FSTL5: variants seen among roughly 807,000 people sequenced by gnomAD.
FSTL5 encodes follistatin-related protein 5.
FSTL5 carries 62 observed loss-of-function variants against 89.1 expected under a neutral mutation model. The observed-to-expected ratio is 0.70, with a 90% CI of 0.57 to 0.86. FSTL5 has a LOEUF of 0.86. FSTL5 is among the 40% of genes least tolerant of loss of function. FSTL5 has a pLI of 0.00. For synonymous variants in FSTL5, 383 were observed against 346.2 expected (o/e 1.11, Z -1.18); for missense variants, 1,057 against 1,001.6 (o/e 1.06, Z -0.75).
intron 2 of FSTL5, among the ~76,000 whole-genome samples, chr4:162,091,469 G>T (rs1371092547): frequency 6.6e-6 from 1 of 151,978 alleles, no homozygotes; most frequent in African/African-American, 2.4e-5. Context: ...CAAGTGTCTG[G>T]GGTTTTGGGG....
intron 3 of FSTL5, among the ~76,000 whole-genome samples, chr4:161,925,719 C>T (rs185043190): frequency 6.6e-6 from 1 of 151,786 alleles, no homozygotes; most frequent in African/African-American, 2.4e-5. Context: ...TCATTTATTA[C>T]AGATTTGGTA....
intron 3 of FSTL5, among the ~76,000 whole-genome samples, chr4:161,976,745 T>G (rs1335502683): frequency 6.6e-6 from 1 of 152,084 alleles, no homozygotes; most frequent in Non-Finnish European, 1.5e-5. Flanking sequence ...CCTCCCAAAG[T>G]GCTGGGATTA....
intron 10 of FSTL5, among the ~76,000 whole-genome samples, chr4:161,518,468 G>A (rs1730915808): frequency 6.6e-6 from 1 of 152,120 alleles, no homozygotes; most frequent in Non-Finnish European, 1.5e-5. Context: ...CAGGAGAGAG[G>A]CAAGAAAAGT....
intron 6 of FSTL5, among the ~76,000 whole-genome samples, chr4:161,692,085 C>A (rs1367422834): frequency 6.6e-6 from 1 of 151,408 alleles, no homozygotes; most frequent in Non-Finnish European, 1.5e-5. Flanking sequence ...TCTTGACTAA[C>A]TGTTTTCATG....
At chr4:161,886,564 C>A (rs551761629) in intron 4 of FSTL5, among the ~76,000 whole-genome samples, 11 of 152,142 alleles carry the variant, frequency 7.2e-5, no homozygotes, top group South Asian at 2.1e-4. Context: ...TGCCATATTT[C>A]TTCAATCATA....
At chr4:162,146,117 G>C (rs546476760) in intron 1 of FSTL5, among the ~76,000 whole-genome samples, 1 of 152,204 alleles carries the variant, frequency 6.6e-6, no homozygotes, top group South Asian at 2.1e-4. Flanking sequence ...GGAAATAATA[G>C]TGATTTTTGT....
intron 2 of FSTL5, among the ~76,000 whole-genome samples, chr4:162,095,008 T>A (rs1341408092): frequency 6.6e-6 from 1 of 152,126 alleles, no homozygotes; most frequent in Non-Finnish European, 1.5e-5. Flanking sequence ...CAAAAATGGC[T>A]TTTCATATAC....
intron 6 of FSTL5, among the ~76,000 whole-genome samples, chr4:161,659,630 T>C (rs1194594796): frequency 6.6e-6 from 1 of 152,316 alleles, no homozygotes; most frequent in East Asian, 1.9e-4. Flanking sequence ...TGCATTACTA[T>C]GTAAAACAAC....
At chr4:161,482,186 GGCAC>G (rs1360705626) in intron 12 of FSTL5, among the ~76,000 whole-genome samples, 1 of 152,016 alleles carries the variant, frequency 6.6e-6, no homozygotes, top group Non-Finnish European at 1.5e-5. Flanking sequence ...CGTGGTGGTG[GGCAC>G]CTGTAGTCCC....
intron 1 of FSTL5, among the ~76,000 whole-genome samples, chr4:162,112,041 T>G (rs554419716): frequency 1.3e-5 from 2 of 152,320 alleles, no homozygotes; most frequent in East Asian, 3.9e-4. Context: ...CCTTTCTATG[T>G]TTTTGGATAT....
rs75152653 is a variant in FSTL5 at position 162,007,347 on chromosome 4, T to C, written c.160+26278A>G. ...GTTGTAATTAACATTCTATGTTGAG[T>C]TACTAACATAAAGGAGCTATAAGTA... is the stretch of plus-strand genomic sequence containing the variant. On this transcript the variant is annotated intron_variant, in intron 3 of 15. Coordinates refer to ENST00000306100, the MANE Select transcript of FSTL5 (RefSeq NM_020116.5). Among the ~76,000 whole-genome samples the C allele has an allele frequency of 7.0e-3, 1,058 of 151,834 alleles. 10 individuals carry two copies. Among genetic ancestry groups the C allele is most frequent in the African/African-American group, 0.024 (1,011 of 41,522 alleles).
At chr4:161,748,383 A>T (rs994539720) in intron 6 of FSTL5, among the ~76,000 whole-genome samples, 2 of 152,134 alleles carry the variant, frequency 1.3e-5, no homozygotes, top group Admixed American at 6.5e-5. Flanking sequence ...TGATCCTGAA[A>T]AAGTTTTTTT....
At chr4:161,838,319 C>T (rs1731107300) in intron 4 of FSTL5, among the ~76,000 whole-genome samples, 1 of 152,116 alleles carries the variant, frequency 6.6e-6, no homozygotes, top group Non-Finnish European at 1.5e-5. Context: ...TTTTCTGCTG[C>T]CCAGACTGGA....
chr4:161,644,070 TAAC>T (rs1736055676), intron 7 of FSTL5, among the ~76,000 whole-genome samples: 1 of 151,872 alleles, frequency 6.6e-6, no homozygotes, highest in Admixed American at 6.6e-5. Context: ...TATTCTGATG[TAAC>T]AAGTACTTTA....
chr4:161,478,878 G>C (rs979406673), intron 13 of FSTL5, among the ~76,000 whole-genome samples: 2 of 151,956 alleles, frequency 1.3e-5, no homozygotes, highest in Non-Finnish European at 2.9e-5. Flanking sequence ...AATTACCCTA[G>C]CAACAGCTAC....
At chr4:161,630,376 A>G (rs987732955) in intron 7 of FSTL5, among the ~76,000 whole-genome samples, 1 of 152,132 alleles carries the variant, frequency 6.6e-6, no homozygotes, top group Admixed American at 6.5e-5. Flanking sequence ...ATCAGCTACT[A>G]TGGCACCTGG....
At chr4:161,943,755 C>T (rs1196366951) in intron 3 of FSTL5, among the ~76,000 whole-genome samples, 1 of 151,680 alleles carries the variant, frequency 6.6e-6, no homozygotes, top group South Asian at 2.1e-4. Flanking sequence ...TGGGGTTTCA[C>T]CGTGTTAGCC....
At chr4:161,960,585 G>A (rs1735149701) in intron 3 of FSTL5, among the ~76,000 whole-genome samples, 1 of 151,960 alleles carries the variant, frequency 6.6e-6, no homozygotes, top group South Asian at 2.1e-4. Context: ...TGCTTGTTAT[G>A]TAGAAACATT....
chr4:161,983,118 T>C (rs191100102), intron 3 of FSTL5, among the ~76,000 whole-genome samples: 99 of 152,258 alleles, frequency 6.5e-4, no homozygotes, highest in African/African-American at 2.3e-3. Context: ...AAAAACACCA[T>C]GGAGAAGGTT....
Sources: allele counts gnomAD v4.1 joint callset (sites outside exome capture counted in the v4.1 genomes callset), GRCh38; gene constraint gnomAD v4.1.1; transcripts MANE v1.5; gene names NCBI Gene and HGNC (gene_info 2026-07-23, HGNC 2026-07-21).